The following LEF1 variants were observed in gnomAD, a reference collection of about 807,000 sequenced individuals.
LEF1 encodes lymphoid enhancer binding factor 1.
A neutral mutation model predicts 51.2 loss-of-function variants in LEF1; 14 were observed. The ratio of observed to expected loss-of-function variants is 0.27; its 90% CI spans 0.18 to 0.43. LEF1 has a LOEUF of 0.43. LEF1 is among the 20% of genes least tolerant of loss of function. The pLI, the probability that LEF1 is intolerant of heterozygous loss-of-function variation, is 1.00. For synonymous variants in LEF1, 185 were observed against 183.2 expected (o/e 1.01, Z -0.08); for missense variants, 386 against 512.0 (o/e 0.75, Z 2.37).
intron 3 of LEF1, among the ~76,000 whole-genome samples, chr4:108,134,863 A>G (rs1237657342): frequency 6.6e-6 from 1 of 152,228 alleles, no homozygotes; most frequent in African/African-American, 2.4e-5. Flanking sequence ...CATATACTCA[A>G]AGGGTAATGA....
chr4:108,143,551 T>C (rs1743804866), intron 3 of LEF1, among the ~76,000 whole-genome samples: 1 of 152,216 alleles, frequency 6.6e-6, no homozygotes, highest in Admixed American at 6.5e-5. Context: ...TGTGATTCTA[T>C]CATTAGCCTT....
intron 3 of LEF1, among the ~76,000 whole-genome samples, chr4:108,152,382 A>G (rs144380972): frequency 2.6e-5 from 4 of 152,324 alleles, no homozygotes; most frequent in Non-Finnish European, 5.9e-5. Flanking sequence ...CAGGGTGTGG[A>G]AAGCTTTTAA....
chr4:108,048,708 C>T lies in LEF1; in HGVS notation c.*50G>A, dbSNP rs567736843. The T allele has an allele frequency of 1.9e-5, 30 of 1,609,802 alleles. No individual in the cohort carries two copies. Among genetic ancestry groups the T allele is most frequent in the African/African-American group, 4.0e-5 (3 of 74,868 alleles). On this transcript the variant is annotated 3_prime_UTR_variant, in exon 12 of 12. Transcript: ENST00000265165. The stretch of plus-strand genomic sequence containing the variant: ...CCATCTCCAGAAGAGGTCCTGGGGT[C>T]GCTGCCTTGGCTTTGCACGTTGGGA...
chr4:108,123,889 C>T (rs929215101), intron 3 of LEF1, among the ~76,000 whole-genome samples: 5 of 152,070 alleles, frequency 3.3e-5, no homozygotes, highest in African/African-American at 4.8e-5. Context: ...GCCTGTAAAT[C>T]CCAGCAATTT....
intron 3 of LEF1, among the ~76,000 whole-genome samples, chr4:108,111,630 G>T (rs1741538132): frequency 6.6e-6 from 1 of 152,234 alleles, no homozygotes; most frequent in African/African-American, 2.4e-5. Context: ...CTGGCATACA[G>T]GCCAGGCGTG....
At chr4:108,166,874 C>T (rs954636218) in intron 1 of LEF1, 2 of 952,732 alleles carry the variant, frequency 2.1e-6, no homozygotes, top group African/African-American at 3.5e-5. Flanking sequence ...TGTACCCTTG[C>T]GGTGGGTCGG....
At chr4:108,078,440 G>C (rs1739063945) in intron 7 of LEF1, 58 bp from the exon 8 acceptor site, 3 of 1,608,644 alleles carry the variant, frequency 1.9e-6, no homozygotes, top group Admixed American at 1.7e-5. Context: ...AGGAAGGGAT[G>C]GGGGAGGAGA....
chr4:108,142,567 A>AT (rs1228517742), intron 3 of LEF1, among the ~76,000 whole-genome samples: 106 of 152,356 alleles, frequency 7.0e-4, no homozygotes, highest in African/African-American at 2.5e-3. Flanking sequence ...ACTTATGATT[A>AT]AATACATTGT....
At chr4:108,084,129 T>G (rs1050725053) in intron 4 of LEF1, among the ~76,000 whole-genome samples, 1 of 152,220 alleles carries the variant, frequency 6.6e-6, no homozygotes, top group Non-Finnish European at 1.5e-5. Flanking sequence ...TACACTGCCC[T>G]GTAACTGTGA....
chr4:108,052,523 CT>C lies in LEF1; in HGVS notation c.*7-3773del, dbSNP rs1737068779. Among the ~76,000 whole-genome samples the C allele has an allele frequency of 3.9e-5, 6 of 152,284 alleles. No individual in the cohort carries two copies. In the South Asian group the frequency reaches 8.3e-4, roughly 21 times the overall value. On this transcript the variant is annotated intron_variant, in intron 11 of 11. Transcript: ENST00000265165. Reference sequence around the variant, plus strand: ...ATGCCAATTGTCTCCATTTTTACACCTTGGGAAAAACTGACAAAAGCCTGTG... The same window carrying C: ...ATGCCAATTGTCTCCATTTTTACACCTGGGAAAAACTGACAAAAGCCTGTG...
chr4:108,073,889 G>A (rs947090568), intron 8 of LEF1, among the ~76,000 whole-genome samples: 72 of 150,610 alleles, frequency 4.8e-4, no homozygotes, highest in Middle Eastern at 6.8e-3. Flanking sequence ...GCAGTGGCGC[G>A]ATCTCGGCTC....
chr4:108,062,702 A>G (rs1403717208), intron 11 of LEF1, among the ~76,000 whole-genome samples: 1 of 152,188 alleles, frequency 6.6e-6, no homozygotes, highest in Non-Finnish European at 1.5e-5. Context: ...AAAATTATTA[A>G]CGTGTATTAC....
rs555795346 is a variant in LEF1, at chr4:108,073,886, C to T, written c.1009-3116G>A. Among the ~76,000 whole-genome samples, 250 of 147,836 alleles carry T rather than the reference C, an allele frequency of 1.7e-3. 1 individual carries two copies. The highest frequency in any genetic ancestry group is 6.0e-3 in the African/African-American group (239 of 40,092). On this transcript the variant is annotated intron_variant, in intron 8 of 11. Coordinates refer to ENST00000265165, the MANE Select transcript of LEF1 (RefSeq NM_016269.5). Reference sequence around the variant, plus strand: ...TGTTGCCCAGGCTGGAGTGCAGTGGCGCGATCTCGGCTCACTGCAAGCTCC... The same window carrying T: ...TGTTGCCCAGGCTGGAGTGCAGTGGTGCGATCTCGGCTCACTGCAAGCTCC...
At chr4:108,111,961 C>T (rs894266018) in intron 3 of LEF1, among the ~76,000 whole-genome samples, 6 of 152,138 alleles carry the variant, frequency 3.9e-5, no homozygotes, top group African/African-American at 1.4e-4. Flanking sequence ...GATTTAGGTC[C>T]TAGTCTTATG....
chr4:108,164,447 CAGAT>C (rs546853109), intron 2 of LEF1, among the ~76,000 whole-genome samples: 155 of 152,224 alleles, frequency 1.0e-3, no homozygotes, highest in African/African-American at 3.2e-3. Flanking sequence ...TAATGGAAAA[CAGAT>C]AGGCTGACAA....
At chr4:108,100,096 T>C (rs145774717) in intron 3 of LEF1, among the ~76,000 whole-genome samples, 2 of 152,290 alleles carry the variant, frequency 1.3e-5, no homozygotes, top group East Asian at 3.9e-4. Context: ...TCACAGGATA[T>C]ATTTATATGA....
chr4:108,055,728 AT>A (rs1737267478), intron 11 of LEF1, among the ~76,000 whole-genome samples: 1 of 152,062 alleles, frequency 6.6e-6, no homozygotes, highest in Non-Finnish European at 1.5e-5. Flanking sequence ...CTCTGCTATT[AT>A]TTTTTAATGG....
At chr4:108,163,800 C>T in intron 2 of LEF1, 99 bp from the exon 3 acceptor site, 8 of 1,241,418 alleles carry the variant, frequency 6.4e-6, no homozygotes, top group Non-Finnish European at 8.8e-6. Context: ...TAAATCAGAC[C>T]CTACATAAAA....
intron 1 of LEF1, among the ~76,000 whole-genome samples, chr4:108,165,525 TC>T (rs1247001717): frequency 2.0e-5 from 3 of 152,216 alleles, no homozygotes; most frequent in Admixed American, 1.3e-4. Context: ...GTTGATGGTT[TC>T]GATAGCCTCT....
Sources: gnomAD v4.1 joint callset for allele counts (sites outside exome capture counted in the v4.1 genomes callset) on GRCh38, gnomAD v4.1.1 for gene constraint, MANE v1.5 for transcripts, NCBI Gene and HGNC (gene_info 2026-07-23, HGNC 2026-07-21) for gene names.